The following MARCHF4 variants were observed in gnomAD, a reference collection of about 807,000 sequenced individuals.
MARCHF4 encodes the protein E3 ubiquitin-protein ligase MARCHF4.
A neutral mutation model predicts 43.9 loss-of-function variants in MARCHF4; 14 were observed. The ratio of observed to expected loss-of-function variants is 0.32; its 90% confidence interval spans 0.21 to 0.50. The LOEUF (loss-of-function observed/expected upper bound fraction) is 0.50. Ranked by LOEUF, MARCHF4 falls within the 20% of genes least tolerant of loss-of-function variation. MARCHF4 has a pLI of 0.98. For missense variants in MARCHF4, 468 were observed against 536.7 expected, an observed-to-expected ratio of 0.87 and a Z score of 1.27; for synonymous variants, 226 against 213.3, an observed-to-expected ratio of 1.06 and a Z score of -0.52.
chr2:216,276,685 A>C (rs1691027649), intron 3 of MARCHF4, among the ~76,000 whole-genome samples: 1 of 152,220 alleles, frequency 6.6e-6, no homozygotes, highest in African/African-American at 2.4e-5. Context: ...AATACAATAT[A>C]CATACTAACA....
intron 1 of MARCHF4, among the ~76,000 whole-genome samples, chr2:216,290,743 A>C (rs1167143070): frequency 6.6e-6 from 1 of 152,182 alleles, no homozygotes; most frequent in Non-Finnish European, 1.5e-5. Flanking sequence ...TGTAGATGTT[A>C]AGATTTGCTG....
chr2:216,356,518 T>A (rs1226006212), intron 1 of MARCHF4, among the ~76,000 whole-genome samples: 1 of 152,132 alleles, frequency 6.6e-6, no homozygotes, highest in Non-Finnish European at 1.5e-5. Flanking sequence ...GACACTGAAG[T>A]TCGGAGGATT....
intron 1 of MARCHF4, among the ~76,000 whole-genome samples, chr2:216,343,631 A>G (rs1203871144): frequency 1.3e-5 from 2 of 152,188 alleles, no homozygotes; most frequent in Non-Finnish European, 2.9e-5. Context: ...CCCTTTGTGT[A>G]TCCTTTATCC....
chr2:216,365,701 G>A (rs569304463), intron 1 of MARCHF4, among the ~76,000 whole-genome samples: 1 of 152,274 alleles, frequency 6.6e-6, no homozygotes, highest in South Asian at 2.1e-4. Flanking sequence ...TTGTCTTTTT[G>A]AGTAGGCACC....
At chr2:216,266,316 AT>A (rs1035000209) in intron 3 of MARCHF4, among the ~76,000 whole-genome samples, 2 of 152,122 alleles carry the variant, frequency 1.3e-5, no homozygotes, top group Admixed American at 1.3e-4. Flanking sequence ...CTGCGTGCCA[AT>A]ACCTGGTACT....
chr2:216,293,279 G>A (rs981878177), intron 1 of MARCHF4, among the ~76,000 whole-genome samples: 1 of 152,136 alleles, frequency 6.6e-6, no homozygotes, highest in African/African-American at 2.4e-5. Context: ...ATGGCACCAA[G>A]GCCAAGTCTT....
intron 1 of MARCHF4, among the ~76,000 whole-genome samples, chr2:216,286,278 G>A (rs1406387493): frequency 6.6e-6 from 1 of 152,156 alleles, no homozygotes; most frequent in Non-Finnish European, 1.5e-5. Flanking sequence ...AGTGGCTCAC[G>A]CCTGTAATGC....
intron 1 of MARCHF4, 80 bp downstream of exon 1, chr2:216,369,665 C>G (rs1475227256): frequency 8.5e-7 from 1 of 1,177,064 alleles, no homozygotes; most frequent in Non-Finnish European, 1.2e-6. Context: ...TATAACCGTT[C>G]CCCAGGGCAA....
intron 3 of MARCHF4, 168 bp from the exon 4 acceptor site, chr2:216,259,847 AAGGTGG>A: frequency 1.5e-6 from 1 of 667,506 alleles, no homozygotes. Context: ...CAGTAGGCAG[AAGGTGG>A]AGGGGCCACC....
chr2:216,291,474 T>C (rs1490341275), intron 1 of MARCHF4, among the ~76,000 whole-genome samples: 1 of 152,150 alleles, frequency 6.6e-6, no homozygotes. Flanking sequence ...AAATAAAGTA[T>C]GCTTATGGGC....
At chr2:216,282,732 G>C (rs1443688676) in intron 2 of MARCHF4, among the ~76,000 whole-genome samples, 8 of 152,196 alleles carry the variant, frequency 5.3e-5, no homozygotes, top group Non-Finnish European at 1.0e-4. Context: ...GGGATAGAGT[G>C]GTGGGAGCAG....
At chr2:216,326,867 C>T (rs551492267) in intron 1 of MARCHF4, among the ~76,000 whole-genome samples, 26 of 151,526 alleles carry the variant, frequency 1.7e-4, no homozygotes, top group African/African-American at 5.8e-4. Flanking sequence ...TGCTAGATGA[C>T]GAGTTAGTGG....
At chr2:216,329,985 G>C (rs1488024215) in intron 1 of MARCHF4, among the ~76,000 whole-genome samples, 2 of 151,936 alleles carry the variant, frequency 1.3e-5, no homozygotes, top group South Asian at 4.2e-4. Flanking sequence ...TTGGGAGGCT[G>C]AGGCAAGAGG....
chr2:216,355,282 T>C (rs1400011671), intron 1 of MARCHF4, among the ~76,000 whole-genome samples: 1 of 152,076 alleles, frequency 6.6e-6, no homozygotes, highest in Non-Finnish European at 1.5e-5. Context: ...CTAATACTTG[T>C]ATTTTTATAA....
At chr2:216,325,897 T>C (rs1691982589) in intron 1 of MARCHF4, among the ~76,000 whole-genome samples, 1 of 147,212 alleles carries the variant, frequency 6.8e-6, no homozygotes, top group Admixed American at 6.8e-5. Context: ...GACATAGGCA[T>C]GGGCAAGGAC....
rs2030494 is a variant in MARCHF4 at position 216,328,750 on chromosome 2, A to G, written c.516+40995T>C. Among the ~76,000 whole-genome samples, 791 of 152,364 alleles carry G rather than the reference A, an allele frequency of 5.2e-3. 3 individuals are homozygous for G. The highest frequency in any genetic ancestry group is 7.5e-3 in the Non-Finnish European group (511 of 68,036). ...TTAAATATTTGTAGAATTAAAAGCT[A>G]TGATAGGCCGGGTGCAGAGGCTCAC... On this transcript the variant is annotated intron_variant, in intron 1 of 3. Coordinates refer to ENST00000273067, the MANE Select transcript of MARCHF4 (RefSeq NM_020814.3).
chr2:216,259,809 T>C, intron 3 of MARCHF4, 130 bp from the exon 4 acceptor site: 2 of 884,810 alleles, frequency 2.3e-6, no homozygotes, highest in South Asian at 3.6e-5. Context: ...GGGAGGACCA[T>C]CCCTAGATTC....
At chr2:216,364,432 CT>C (rs1042071771) in intron 1 of MARCHF4, among the ~76,000 whole-genome samples, 5 of 152,154 alleles carry the variant, frequency 3.3e-5, no homozygotes, top group Admixed American at 3.3e-4. Context: ...AAGAGAACCC[CT>C]AGCTCTAGAG....
In MARCHF4 at chr2:216,283,479, C is replaced by T. The variant is rs1019520487; in HGVS notation, c.672+95G>A. 5 of 1,426,996 alleles carry T rather than the reference C, an allele frequency of 3.5e-6. No homozygotes were observed. In the African/African-American group the frequency reaches 5.6e-5, roughly 16 times the overall value. The allele number at this position is 1,426,996 out of a possible 1,614,324, so 88.4% of individuals were successfully genotyped here. A position where few individuals can be genotyped will look rare whatever the true frequency, so the allele number is the denominator to read the frequency against. On this transcript the variant is annotated intron_variant, in intron 2 of 3. Coordinates refer to ENST00000273067, the MANE Select transcript of MARCHF4 (RefSeq NM_020814.3). ...GCCCATCTTCTTCCTTTTCCTCAAA[C>T]TGCCCTGAATCTAAGGTGAAGTAAG...
Sources: allele counts gnomAD v4.1 joint callset (sites outside exome capture counted in the v4.1 genomes callset), GRCh38; gene constraint gnomAD v4.1.1; transcripts MANE v1.5; gene names NCBI Gene and HGNC (gene_info 2026-07-23, HGNC 2026-07-21).